The following DCC variants were observed in gnomAD, a reference collection of about 807,000 sequenced individuals.
The protein encoded by DCC is DCC netrin 1 receptor, also known as netrin receptor DCC.
Under a neutral mutation model 172.5 loss-of-function variants are expected in DCC, and 58 were observed. The observed-to-expected ratio is 0.34, with a 90% CI of 0.27 to 0.42. The LOEUF is 0.42. DCC is among the 10% of genes least tolerant of loss of function. The pLI is 1.00. For missense variants in DCC, 1,740 were observed against 1,791.0 expected (o/e 0.97, Z 0.51); for synonymous variants, 709 against 644.5 (o/e 1.10, Z -1.52).
intron 1 of DCC, among the ~76,000 whole-genome samples, chr18:52,461,203 C>G (rs1433675464): frequency 6.6e-6 from 1 of 152,098 alleles, no homozygotes; most frequent in Admixed American, 6.5e-5. Context: ...ACACATTAGG[C>G]TAGGCCTACG....
intron 15 of DCC, among the ~76,000 whole-genome samples, chr18:53,360,150 T>C (rs928929966): frequency 1.1e-4 from 17 of 152,116 alleles, no homozygotes; most frequent in African/African-American, 3.6e-4. Context: ...ATTTTTTGTT[T>C]ATTAGGTATT....
chr18:52,446,751 T>C (rs1429753101), intron 1 of DCC, among the ~76,000 whole-genome samples: 5 of 152,230 alleles, frequency 3.3e-5, no homozygotes, highest in African/African-American at 4.8e-5. Context: ...GTGTGTGTAT[T>C]GCTGCCATTG....
chr18:52,504,909 A>G (rs1360406445), intron 1 of DCC, among the ~76,000 whole-genome samples: 2 of 152,194 alleles, frequency 1.3e-5, no homozygotes, highest in Non-Finnish European at 2.9e-5. Context: ...CTTGACATAC[A>G]GTGAGCACCC....
chr18:52,631,130 C>CT (rs2034666912), intron 1 of DCC, among the ~76,000 whole-genome samples: 1 of 152,172 alleles, frequency 6.6e-6, no homozygotes, highest in East Asian at 1.9e-4. Flanking sequence ...GAGCATTATA[C>CT]TTTTTCTAAT....
intron 13 of DCC, among the ~76,000 whole-genome samples, chr18:53,315,296 TC>T (rs2057330413): frequency 6.6e-6 from 1 of 152,182 alleles, no homozygotes; most frequent in South Asian, 2.1e-4. Context: ...CATGAACCCA[TC>T]CTTTTTACGG....
chr18:52,350,908 C>T (rs1285731467), intron 1 of DCC, among the ~76,000 whole-genome samples: 1 of 152,130 alleles, frequency 6.6e-6, no homozygotes, highest in Non-Finnish European at 1.5e-5. Context: ...TCCCATATTT[C>T]TTGAATGTGT....
At chr18:52,963,081 C>A (rs554225802) in intron 5 of DCC, among the ~76,000 whole-genome samples, 94 of 150,918 alleles carry the variant, frequency 6.2e-4, no homozygotes, top group African/African-American at 2.2e-3. Flanking sequence ...TGCACTTGTA[C>A]CCTAAAACTT....
intron 2 of DCC, among the ~76,000 whole-genome samples, chr18:52,784,542 G>A (rs779495440): frequency 2.6e-5 from 4 of 151,850 alleles, no homozygotes; most frequent in South Asian, 2.1e-4. Flanking sequence ...CAGTATATAC[G>A]GGTTCAATTT....
intron 1 of DCC, among the ~76,000 whole-genome samples, chr18:52,574,910 T>C (rs1406579848): frequency 1.3e-5 from 2 of 152,116 alleles, no homozygotes; most frequent in African/African-American, 2.4e-5. Flanking sequence ...TTAACACCTG[T>C]TTAGAAATGC....
At position 52,340,440 on chromosome 18, in the gene DCC, A is replaced by T. The variant is rs537652373; in HGVS notation, c.-348A>T. The T allele has an allele frequency of 2.6e-6, 1 of 390,254 alleles. No homozygotes were observed. Among genetic ancestry groups the T allele is most frequent in the South Asian group, 2.5e-5 (1 of 40,404 alleles). The allele number at this position is 390,254 out of a possible 1,614,324, so 24.2% of individuals were successfully genotyped here. On this transcript the variant is annotated 5_prime_UTR_variant, in exon 1 of 29. Transcript: ENST00000442544. Reference sequence around the variant, plus strand: ...TCTTGGTCCCTCCTGGATGTGGTTTATTGATGACTTGCGAGCCCCTCAGAG... The same window carrying T: ...TCTTGGTCCCTCCTGGATGTGGTTTTTTGATGACTTGCGAGCCCCTCAGAG...
At chr18:52,649,133 G>T (rs945291042) in intron 1 of DCC, among the ~76,000 whole-genome samples, 2 of 152,100 alleles carry the variant, frequency 1.3e-5, no homozygotes, top group Non-Finnish European at 2.9e-5. Flanking sequence ...CAGCATTTTG[G>T]GAGGCTGAGG....
intron 12 of DCC, among the ~76,000 whole-genome samples, chr18:53,268,409 A>T (rs2056707502): frequency 1.3e-5 from 2 of 152,308 alleles, no homozygotes; most frequent in South Asian, 4.1e-4. Flanking sequence ...TAAAATCACA[A>T]GAATTATCAC....
chr18:53,267,398 C>T (rs189034919), intron 12 of DCC, among the ~76,000 whole-genome samples: 2 of 152,082 alleles, frequency 1.3e-5, no homozygotes, highest in East Asian at 3.9e-4. Context: ...TGTTGGCCAG[C>T]CTGGTCTCGA....
chr18:52,806,799 G>A (rs12970827), intron 2 of DCC, among the ~76,000 whole-genome samples: 87,856 of 152,032 alleles, frequency 0.58, 28,905 homozygotes, highest in East Asian at 0.86. Context: ...GAAGTTAGAG[G>A]TTCTTCAGAA....
intron 2 of DCC, among the ~76,000 whole-genome samples, chr18:52,870,051 C>T (rs1465324069): frequency 1.3e-5 from 2 of 152,068 alleles, no homozygotes; most frequent in African/African-American, 4.8e-5. Flanking sequence ...CACACTGTTC[C>T]CCTGCCAGTG....
At chr18:53,441,111 G>T (rs1369380150) in intron 22 of DCC, among the ~76,000 whole-genome samples, 1 of 152,174 alleles carries the variant, frequency 6.6e-6, no homozygotes, top group Non-Finnish European at 1.5e-5. Context: ...TTCCCCCTTG[G>T]CAGGGAGGGA....
chr18:52,523,488 G>T (rs1449371360), intron 1 of DCC, among the ~76,000 whole-genome samples: 1 of 152,074 alleles, frequency 6.6e-6, no homozygotes, highest in Non-Finnish European at 1.5e-5. Flanking sequence ...GAAACAAATT[G>T]TTTATTTTAG....
At chr18:52,632,922 G>A (rs545890904) in intron 1 of DCC, among the ~76,000 whole-genome samples, 14 of 152,146 alleles carry the variant, frequency 9.2e-5, no homozygotes, top group East Asian at 3.9e-4. Context: ...TTTCAGGAAC[G>A]GTTTGCAAAC....
At chr18:52,934,721 T>A (rs1035993684) in intron 5 of DCC, 1 of 152,068 alleles carries the variant, frequency 6.6e-6, no homozygotes, top group East Asian at 1.9e-4. Flanking sequence ...TAAAATTAAA[T>A]GATGTCATAA....
Sources: gnomAD v4.1 joint callset for allele counts (sites outside exome capture counted in the v4.1 genomes callset) on GRCh38, gnomAD v4.1.1 for gene constraint, MANE v1.5 for transcripts, NCBI Gene and HGNC (gene_info 2026-07-23, HGNC 2026-07-21) for gene names.